The following PMPCB variants were observed in gnomAD, a reference collection of about 807,000 sequenced individuals.
PMPCB encodes the protein mitochondrial-processing peptidase subunit beta.
A neutral mutation model predicts 61.5 loss-of-function variants in PMPCB; 46 were observed. The observed-to-expected ratio is 0.75, with a 90% confidence interval of 0.59 to 0.96. The LOEUF (loss-of-function observed/expected upper bound fraction) is 0.96. PMPCB is among the 40% of genes least tolerant of loss of function. The probability of loss-of-function intolerance (pLI) is 0.00; values close to 1 mark genes in which losing one functional copy is unlikely to be tolerated. For synonymous variants in PMPCB, 191 were observed against 201.6 expected (o/e 0.95, Z 0.44); for missense variants, 590 against 602.4 (o/e 0.98, Z 0.22).
intron 4 of PMPCB, 121 bp downstream of exon 4, chr7:103,300,428 T>C: frequency 1.4e-6 from 1 of 714,338 alleles, no homozygotes; most frequent in Non-Finnish European, 2.1e-6. Flanking sequence ...AAAGCGAAAC[T>C]GAATTCTGGG....
At chr7:103,318,769 T>C (rs944839290), downstream of PMPCB, among the ~76,000 whole-genome samples, 2 of 152,250 alleles carry the variant, frequency 1.3e-5, no homozygotes, top group Admixed American at 6.5e-5. Context: ...TATTACCCTA[T>C]GAAAATACTC....
In PMPCB at chr7:103,303,628, C is replaced by T. The variant is rs145802592; in HGVS notation, c.458-214C>T. On this transcript the variant is annotated intron_variant, in intron 4 of 12. Coordinates refer to ENST00000249269, the MANE Select transcript of PMPCB (RefSeq NM_004279.3). ...ATTACAAGGTGATGGCAAATTTATACTTTTTCCCCAAGGAAAAAATCTTTT... is the reference window on the plus strand; with the variant it reads ...ATTACAAGGTGATGGCAAATTTATATTTTTTCCCCAAGGAAAAAATCTTTT... Among the ~76,000 whole-genome samples, 574 of 152,168 alleles carry T rather than the reference C, an allele frequency of 3.8e-3. 4 individuals carry two copies. Among genetic ancestry groups the T allele is most frequent in the African/African-American group, 0.014 (565 of 41,516 alleles).
exon 13 of PMPCB, chr7:103,328,963 A>G (rs1339113412): frequency 7.9e-7 from 1 of 1,264,316 alleles, no homozygotes; most frequent in African/African-American, 1.5e-5. Flanking sequence ...TCATGAATGG[A>G]AATGGAACAA....
the PMPCB span, among the ~76,000 whole-genome samples, chr7:103,343,253 G>A: frequency 6.6e-6 from 1 of 151,906 alleles, no homozygotes; most frequent in African/African-American, 2.4e-5. Flanking sequence ...CACCTGCCTC[G>A]GCCTCCCAAA....
chr7:103,316,549 A>C (rs1034749), downstream of PMPCB: 335,279 of 339,994 alleles, frequency 0.99, 165,404 homozygotes, highest in African/African-American at 1. Context: ...TAATCCCTAG[A>C]ACAAGCCATG....
Position 103,312,359 on chromosome 7 carries a change from A to G in PMPCB, c.*88A>G. On this transcript the variant is annotated 3_prime_UTR_variant, in exon 13 of 13. Transcript: ENST00000249269. ...AAATGAACATGTATATACATTTGGAAATTTGAATTAAATACTGTATCATAC... is the reference window on the plus strand; with the variant it reads ...AAATGAACATGTATATACATTTGGAGATTTGAATTAAATACTGTATCATAC... The G allele has an allele frequency of 6.4e-7, 1 of 1,563,890 alleles. No individual in the cohort carries two copies. The highest frequency in any genetic ancestry group is 2.3e-5 in the East Asian group (1 of 43,568).
downstream of PMPCB, among the ~76,000 whole-genome samples, chr7:103,315,250 AGAG>A (rs66502304): frequency 0.028 from 4,182 of 151,806 alleles, 207 homozygotes; most frequent in African/African-American, 0.095. Flanking sequence ...AAATAATTTT[AGAG>A]GAGTAGAAAG....
chr7:103,343,922 G>A, the PMPCB span, among the ~76,000 whole-genome samples: 1 of 152,118 alleles, frequency 6.6e-6, no homozygotes, highest in African/African-American at 2.4e-5. Context: ...CTGGCTATGG[G>A]AATTACTGTA....
Position 103,326,808 on chromosome 7 carries a change from C to T in PMPCB, c.*1432-2123C>T. The T allele has an allele frequency of 5.1e-6, 5 of 980,622 alleles. No homozygotes were observed. In the South Asian group the frequency reaches 7.4e-5, roughly 15 times the overall value. 60.7% of individuals were successfully genotyped at this position (980,622 alleles called of 1,614,324 possible). A position where few individuals can be genotyped will look rare whatever the true frequency, so the allele number is the denominator to read the frequency against. On this transcript the variant is annotated intron_variant and NMD_transcript_variant, in intron 12 of 12. Coordinates refer to the PMPCB transcript ENST00000444457. ...TTTTCATATTTGAAAATTTTGTTTG[C>T]AGGTTGGGGAGGATTTAATTTAGGT... is the stretch of plus-strand genomic sequence containing the variant.
At chr7:103,346,651 C>T in the PMPCB span, among the ~76,000 whole-genome samples, 1 of 152,192 alleles carries the variant, frequency 6.6e-6, no homozygotes, top group African/African-American at 2.4e-5. Flanking sequence ...TGGAAACCAT[C>T]CTTCTACTTT....
At chr7:103,310,039 A>G (rs77852366) in intron 8 of PMPCB, among the ~76,000 whole-genome samples, 4,175 of 152,340 alleles carry the variant, frequency 0.027, 97 homozygotes, top group Non-Finnish European at 0.036. Flanking sequence ...TTGGGTTGAT[A>G]ATAGCCATCT....
At chr7:103,344,306 A>AGCATT in the PMPCB span, 1 of 576,576 alleles carries the variant, frequency 1.7e-6, no homozygotes, top group Non-Finnish European at 3.1e-6. Flanking sequence ...GCTCAGCCCA[A>AGCATT]TCCATGAGTC....
intron 12 of PMPCB, among the ~76,000 whole-genome samples, chr7:103,328,223 G>C (rs1246323379): frequency 6.6e-6 from 1 of 152,028 alleles, no homozygotes; most frequent in Non-Finnish European, 1.5e-5. Flanking sequence ...AGCCCGGCTT[G>C]AAGTAATTAT....
chr7:103,328,589 C>T (rs970519230), intron 12 of PMPCB, among the ~76,000 whole-genome samples: 6 of 152,056 alleles, frequency 3.9e-5, no homozygotes, highest in African/African-American at 1.4e-4. Flanking sequence ...TGAGATGGCG[C>T]CACTGCATTC....
chr7:103,315,640 A>C (rs970474389), downstream of PMPCB: 3 of 601,218 alleles, frequency 5.0e-6, no homozygotes, highest in Middle Eastern at 3.3e-4. Flanking sequence ...ATGTTTGCTT[A>C]CAGCTTCCAG....
chr7:103,328,871 G>A, intron 12 of PMPCB: 1 of 484,414 alleles, frequency 2.1e-6, no homozygotes, highest in Non-Finnish European at 3.3e-6. Context: ...TATAAATAAT[G>A]CCAATTTGAA....
chr7:103,316,316 C>A, downstream of PMPCB: 1 of 357,122 alleles, frequency 2.8e-6, no homozygotes, highest in East Asian at 4.5e-5. Context: ...ATACATCTTA[C>A]AGATTTGGTG....
the PMPCB span, chr7:103,337,397 T>A: frequency 5.6e-6 from 1 of 177,506 alleles, no homozygotes; most frequent in South Asian, 1.9e-4. Flanking sequence ...CAAAAAACAA[T>A]AAAAAGGCAG....
chr7:103,308,416 G>A (rs1817646352), intron 7 of PMPCB, among the ~76,000 whole-genome samples: 1 of 152,190 alleles, frequency 6.6e-6, no homozygotes, highest in South Asian at 2.1e-4. Context: ...GAGGTTAGGA[G>A]TTTGAGACCA....
Sources: allele counts gnomAD v4.1 joint callset (sites outside exome capture counted in the v4.1 genomes callset), GRCh38; gene constraint gnomAD v4.1.1; transcripts MANE v1.5; gene names NCBI Gene and HGNC (gene_info 2026-07-23, HGNC 2026-07-21).